The following BCAS3 variants were observed in gnomAD, a reference collection of about 807,000 sequenced individuals.
BCAS3 encodes the protein BCAS4/BCAS3 fusion.
BCAS3 carries 53 observed loss-of-function variants against 116.1 expected under a neutral mutation model. That is an observed-to-expected ratio of 0.46 (90% CI 0.37 to 0.57). The LOEUF (loss-of-function observed/expected upper bound fraction) is 0.57, where lower values mean the gene tolerates loss of function less well. Among genes scored for constraint, BCAS3 ranks in the 20% least tolerant of loss-of-function variants. BCAS3 has a pLI of 0.00. For synonymous variants in BCAS3, 391 were observed against 408.2 expected (o/e 0.96, Z 0.51); for missense variants, 917 against 1,165.4 (o/e 0.79, Z 3.10).
chr17:60,788,342 A>G (rs1477396371), intron 6 of BCAS3, among the ~76,000 whole-genome samples: 3 of 152,196 alleles, frequency 2.0e-5, no homozygotes, highest in African/African-American at 4.8e-5. Flanking sequence ...CCTCTATAAA[A>G]TGGAAGATTT....
intron 19 of BCAS3, among the ~76,000 whole-genome samples, chr17:61,057,891 GT>G (rs2069554826): frequency 1.3e-5 from 2 of 151,746 alleles, no homozygotes; most frequent in South Asian, 4.2e-4. Context: ...TATGATTTTA[GT>G]TTTTCCTATA....
chr17:61,128,580 A>C lies in BCAS3; in HGVS notation c.2425+44016A>C. On this transcript the variant is annotated intron_variant, in intron 22 of 23. Coordinates refer to ENST00000407086, the MANE Select transcript of BCAS3 (RefSeq NM_017679.5). The surrounding 1 kb of genome is among the most constrained non-coding windows in gnomAD (Gnocchi z 4.1). ...GCTATACACAATCCCCAGCACTTAT[A>C]AAATAAAAAAAGTATGGAGAGAGAG... 1.0e-6 allele frequency: 1 copy of C among 985,380 alleles called. No individual in the cohort carries two copies. Among genetic ancestry groups the C allele is most frequent in the Non-Finnish European group, 1.2e-6 (1 of 829,906 alleles). The allele number at this position is 985,380 out of a possible 1,614,324, so 61.0% of individuals were successfully genotyped here.
intron 14 of BCAS3, among the ~76,000 whole-genome samples, chr17:60,949,748 T>C (rs556881927): frequency 9.2e-5 from 14 of 152,222 alleles, no homozygotes; most frequent in Non-Finnish European, 1.9e-4. Context: ...AAATATACAA[T>C]AAATTATTGT....
At chr17:60,693,204 T>C (rs2035102860) in intron 4 of BCAS3, among the ~76,000 whole-genome samples, 1 of 151,944 alleles carries the variant, frequency 6.6e-6, no homozygotes, top group South Asian at 2.1e-4. Flanking sequence ...CTCAAGACAC[T>C]ACACTGAGAA....
Position 61,189,997 on chromosome 17 carries a change from G to C in BCAS3, c.2425+105433G>C, listed in dbSNP as rs2080005378. Among the ~76,000 whole-genome samples the C allele has an allele frequency of 6.6e-6, 1 of 152,176 alleles. No individual in the cohort carries two copies. The highest frequency in any genetic ancestry group is 6.5e-5 in the Admixed American group (1 of 15,274). On this transcript the variant is annotated intron_variant, in intron 22 of 23. Transcript: ENST00000407086. The surrounding 1 kb of genome is among the most constrained non-coding windows in gnomAD (Gnocchi z 4.5). Reference sequence around the variant, plus strand: ...AGACTAGCATAGGATAATTTGTACAGAATTAACTGTCAAAGAAGCAAGAAG... The same window carrying C: ...AGACTAGCATAGGATAATTTGTACACAATTAACTGTCAAAGAAGCAAGAAG...
Position 61,217,779 on chromosome 17 carries a change from C to CT in BCAS3, c.2425+133221dup, listed in dbSNP as rs1026678605. Among the ~76,000 whole-genome samples, 5 of 152,156 alleles carry CT rather than the reference C, an allele frequency of 3.3e-5. No individual in the cohort carries two copies. The highest frequency in any genetic ancestry group is 1.2e-4 in the African/African-American group (5 of 41,416). ...CTGCTTTGCTTCTACTCCTCTAAGC[C>CT]TTTTTTCCCCTCCCTTATTAAAAGT... is the stretch of plus-strand genomic sequence containing the variant. On this transcript the variant is annotated intron_variant, in intron 22 of 23. Transcript: ENST00000407086. This position sits in a 1 kb window ranked among gnomAD's most constrained non-coding sequence, Gnocchi z 5.2.
chr17:61,261,205 G>A lies in BCAS3; in HGVS notation c.2426-107122G>A, dbSNP rs1275186385. On this transcript the variant is annotated intron_variant, in intron 22 of 23. Transcript: ENST00000407086. The surrounding 1 kb of genome is among the most constrained non-coding windows in gnomAD (Gnocchi z 4.4). ...CATTAGGGAAGTACCTCCCTGGGGAGCGGGTGGACAGGGAAAGAAGGTTTG... is the reference window on the plus strand; with the variant it reads ...CATTAGGGAAGTACCTCCCTGGGGAACGGGTGGACAGGGAAAGAAGGTTTG... Among the ~76,000 whole-genome samples the A allele has an allele frequency of 6.6e-6, 1 of 152,184 alleles. No homozygotes were observed. Among genetic ancestry groups the A allele is most frequent in the Non-Finnish European group, 1.5e-5 (1 of 68,028 alleles).
intron 6 of BCAS3, among the ~76,000 whole-genome samples, chr17:60,755,294 A>C (rs1440638414): frequency 6.6e-6 from 1 of 152,212 alleles, no homozygotes; most frequent in Non-Finnish European, 1.5e-5. Context: ...GAACTATATA[A>C]TGCTTGATAC....
At chr17:60,835,041 CTCTCTATTCT>C (rs1272881808) in intron 7 of BCAS3, among the ~76,000 whole-genome samples, 1 of 151,702 alleles carries the variant, frequency 6.6e-6, no homozygotes. Flanking sequence ...TCTGTTTTGC[CTCTCTATTCT>C]TCTGTATTCC....
At chr17:60,760,599 C>T (rs2043433203) in intron 6 of BCAS3, among the ~76,000 whole-genome samples, 1 of 151,268 alleles carries the variant, frequency 6.6e-6, no homozygotes, top group Non-Finnish European at 1.5e-5. Flanking sequence ...ATGGGAGCTC[C>T]TTTATAGGTG....
At chr17:60,796,316 T>C (rs1346950808) in intron 6 of BCAS3, among the ~76,000 whole-genome samples, 1 of 152,198 alleles carries the variant, frequency 6.6e-6, no homozygotes, top group Non-Finnish European at 1.5e-5. Flanking sequence ...ACCAATTCTT[T>C]GAATGTCTAC....
chr17:61,252,059 G>A (rs1194067701), intron 22 of BCAS3, among the ~76,000 whole-genome samples: 2 of 152,180 alleles, frequency 1.3e-5, no homozygotes, highest in East Asian at 3.9e-4. Flanking sequence ...ATAACACGAA[G>A]TACTAAAAGT....
rs67510415 is a variant in BCAS3 at position 60,799,708 on chromosome 17, C to CTTTT, written c.404-8272_404-8269dup. 9.1e-3 allele frequency among the ~76,000 whole-genome samples: 454 copies of CTTTT among 49,728 alleles called. 26 individuals are homozygous for CTTTT. Among genetic ancestry groups the CTTTT allele is most frequent in the African/African-American group, 0.018 (236 of 12,788 alleles). 32.6% of individuals were successfully genotyped at this position (49,728 alleles called of 152,430 possible). A position where few individuals can be genotyped will look rare whatever the true frequency, so the allele number is the denominator to read the frequency against. ...TACGCCTGGCTAATTTTTTTCTTTTCTTTTTTTTTTTTTTTTTTTTTTTTT... is the reference window on the plus strand; with the variant it reads ...TACGCCTGGCTAATTTTTTTCTTTTCTTTTTTTTTTTTTTTTTTTTTTTTTTTTT... On this transcript the variant is annotated intron_variant, in intron 6 of 23. Transcript: ENST00000407086.
At chr17:60,750,278 C>G (rs1311273998) in intron 6 of BCAS3, among the ~76,000 whole-genome samples, 1 of 151,772 alleles carries the variant, frequency 6.6e-6, no homozygotes, top group Non-Finnish European at 1.5e-5. Context: ...TCTCAGTAGC[C>G]ATTTATGATT....
rs959541589 is a variant in BCAS3, at chr17:61,315,133, C to T, written c.2426-53194C>T. On this transcript the variant is annotated intron_variant, in intron 22 of 23. Transcript: ENST00000407086. The surrounding 1 kb of genome is among the most constrained non-coding windows in gnomAD (Gnocchi z 5.3). The stretch of plus-strand genomic sequence containing the variant: ...CTCCCTTTTCTTTTTCTTTTTTTCG[C>T]GAGACAGATTCTCGCTCTGTCACCT... Among the ~76,000 whole-genome samples, 2 of 151,888 alleles carry T rather than the reference C, an allele frequency of 1.3e-5. No homozygotes were observed. Among genetic ancestry groups the T allele is most frequent in the Admixed American group, 6.6e-5 (1 of 15,238 alleles).
intron 2 of BCAS3, among the ~76,000 whole-genome samples, chr17:60,681,480 A>G (rs1246960128): frequency 6.6e-6 from 1 of 150,942 alleles, no homozygotes; most frequent in African/African-American, 2.4e-5. Flanking sequence ...AGCCTGGGGG[A>G]CAAGAGCAAG....
At chr17:60,713,128 T>A (rs2038132195) in intron 5 of BCAS3, among the ~76,000 whole-genome samples, 1 of 152,112 alleles carries the variant, frequency 6.6e-6, no homozygotes, top group South Asian at 2.1e-4. Context: ...CTTGTGCTTG[T>A]GAGGGAGAAG....
Position 61,155,654 on chromosome 17 carries a change from C to T in BCAS3, c.2425+71090C>T, listed in dbSNP as rs60721624. The stretch of plus-strand genomic sequence containing the variant: ...GGTAAACTGGCGACAGTCATACAAG[C>T]GAGAATGTTAAAATGACTTCAGCTC... On this transcript the variant is annotated intron_variant, in intron 22 of 23. Transcript: ENST00000407086. 9.0e-3 allele frequency among the ~76,000 whole-genome samples: 1,372 copies of T among 152,236 alleles called. 17 individuals are homozygous for T. The highest frequency in any genetic ancestry group is 0.032 in the African/African-American group (1,315 of 41,538).
At chr17:60,714,338 G>C (rs750858708) in intron 5 of BCAS3, among the ~76,000 whole-genome samples, 4 of 152,070 alleles carry the variant, frequency 2.6e-5, no homozygotes, top group Admixed American at 6.6e-5. Flanking sequence ...CTTAGTTTTT[G>C]CTTCTAGTAT....
Sources: gnomAD v4.1 joint callset for allele counts (sites outside exome capture counted in the v4.1 genomes callset) on GRCh38, gnomAD v4.1.1 for gene constraint, Gnocchi (gnomAD v3.1) non-coding constraint, MANE v1.5 for transcripts, NCBI Gene and HGNC (gene_info 2026-07-23, HGNC 2026-07-21) for gene names.